Variants in PRKN observed in about 807,000 individuals in gnomAD.
The protein encoded by PRKN is parkin RBR E3 ubiquitin protein ligase.
PRKN carries 56 observed loss-of-function variants against 59.5 expected under a neutral mutation model. The observed-to-expected ratio is 0.94, with a 90% confidence interval of 0.76 to 1.18. PRKN has a LOEUF of 1.18. PRKN is among the 50% of genes most tolerant of loss of function. The pLI is 0.00. For missense variants in PRKN, 657 were observed against 596.4 expected, an observed-to-expected ratio of 1.10 and a Z score of -1.06; for synonymous variants, 250 against 222.1, an observed-to-expected ratio of 1.13 and a Z score of -1.12.
intron 9 of PRKN, among the ~76,000 whole-genome samples, chr6:161,464,617 A>T (rs1790366831): frequency 6.6e-6 from 1 of 152,238 alleles, no homozygotes; most frequent in South Asian, 2.1e-4. Flanking sequence ...TAAGGAAATC[A>T]TTGAACTTCT....
At chr6:161,961,148 C>G (rs1394304344) in intron 6 of PRKN, among the ~76,000 whole-genome samples, 1 of 152,122 alleles carries the variant, frequency 6.6e-6, no homozygotes, top group African/African-American at 2.4e-5. Context: ...TGTGTCTGGA[C>G]TGAGCGCACA....
At chr6:162,047,539 C>A (rs1463363751) in intron 5 of PRKN, among the ~76,000 whole-genome samples, 5 of 151,174 alleles carry the variant, frequency 3.3e-5, no homozygotes, top group African/African-American at 4.9e-5. Flanking sequence ...TGTTATTAGA[C>A]ACCAGAAAAA....
intron 7 of PRKN, among the ~76,000 whole-genome samples, chr6:161,719,045 G>A (rs989367359): frequency 6.6e-6 from 1 of 152,112 alleles, no homozygotes; most frequent in Non-Finnish European, 1.5e-5. Flanking sequence ...TTTGCTCGCT[G>A]TTTAATTACT....
intron 7 of PRKN, among the ~76,000 whole-genome samples, chr6:161,680,346 T>G (rs1785270337): frequency 2.0e-5 from 3 of 152,110 alleles, no homozygotes; most frequent in African/African-American, 7.2e-5. Flanking sequence ...AATAAATATC[T>G]CCATATGGAC....
intron 2 of PRKN, among the ~76,000 whole-genome samples, chr6:162,328,813 A>C (rs919060652): frequency 6.6e-6 from 1 of 152,158 alleles, no homozygotes; most frequent in Non-Finnish European, 1.5e-5. Flanking sequence ...CAAGCACAGA[A>C]GGCAGCCAAT....
chr6:162,412,017 G>C (rs1378507173), intron 2 of PRKN, among the ~76,000 whole-genome samples: 1 of 140,666 alleles, frequency 7.1e-6, no homozygotes, highest in Non-Finnish European at 1.5e-5. Flanking sequence ...TCACAGCTGA[G>C]AGGCATTTTT....
At chr6:162,281,873 G>A (rs1011438912) in intron 2 of PRKN, among the ~76,000 whole-genome samples, 26 of 152,180 alleles carry the variant, frequency 1.7e-4, no homozygotes, top group Non-Finnish European at 3.5e-4. Flanking sequence ...TTCCACAGAT[G>A]AGGGCAATGG....
intron 4 of PRKN, among the ~76,000 whole-genome samples, chr6:162,144,558 G>A (rs559418326): frequency 2.0e-5 from 3 of 152,288 alleles, no homozygotes; most frequent in South Asian, 4.1e-4. Flanking sequence ...TCCCTACAAT[G>A]TCTGCAGTAG....
At chr6:161,645,207 G>A (rs1211490310) in intron 7 of PRKN, among the ~76,000 whole-genome samples, 2 of 150,826 alleles carry the variant, frequency 1.3e-5, no homozygotes, top group African/African-American at 2.4e-5. Context: ...AAAATCTTAC[G>A]GAATAATCTC....
chr6:161,841,353 CTT>C (rs35323590), intron 6 of PRKN, among the ~76,000 whole-genome samples: 45 of 142,750 alleles, frequency 3.2e-4, no homozygotes, highest in Non-Finnish European at 3.1e-4. Flanking sequence ...TTTCTTTTTC[CTT>C]TTTTTTTTTT....
intron 2 of PRKN, among the ~76,000 whole-genome samples, chr6:162,324,877 T>C (rs930252784): frequency 2.0e-5 from 3 of 152,126 alleles, no homozygotes; most frequent in African/African-American, 7.2e-5. Context: ...AATGGCAATA[T>C]TGTGTCCTAA....
At chr6:162,123,136 AT>A (rs1478924308) in intron 4 of PRKN, among the ~76,000 whole-genome samples, 1 of 152,190 alleles carries the variant, frequency 6.6e-6, no homozygotes, top group African/African-American at 2.4e-5. Flanking sequence ...GAAAAACTGA[AT>A]TGCTACTACA....
intron 1 of PRKN, among the ~76,000 whole-genome samples, chr6:162,556,343 G>T (rs9456791): frequency 0.042 from 787 of 18,898 alleles, 35 homozygotes; most frequent in South Asian, 0.15. Flanking sequence ...TACTCAGCTG[G>T]TGTGTGTGTG....
rs1790545926 is a variant in PRKN, at chr6:161,467,610, G to C, written c.1084-80733C>G. On this transcript the variant is annotated intron_variant, in intron 9 of 11. Transcript: ENST00000366898. The surrounding 1 kb of genome is among the most constrained non-coding windows in gnomAD (Gnocchi z 4.3). ...TGCTGAGCCTAAAAGGAGGATACAGGGAAGGCTTCCTGGAGATGATGACGC... is the reference window on the plus strand; with the variant it reads ...TGCTGAGCCTAAAAGGAGGATACAGCGAAGGCTTCCTGGAGATGATGACGC... 6.6e-6 allele frequency among the ~76,000 whole-genome samples: 1 copy of C among 152,148 alleles called. No individual in the cohort carries two copies. The highest frequency in any genetic ancestry group is 6.5e-5 in the Admixed American group (1 of 15,286).
At chr6:162,326,390 A>G (rs1428871992) in intron 2 of PRKN, among the ~76,000 whole-genome samples, 1 of 152,048 alleles carries the variant, frequency 6.6e-6, no homozygotes, top group East Asian at 1.9e-4. Flanking sequence ...CACTTTTATC[A>G]TTTGCCTTAG....
chr6:162,015,405 G>T (rs7746243), intron 5 of PRKN, among the ~76,000 whole-genome samples: 1 of 152,060 alleles, frequency 6.6e-6, no homozygotes, highest in African/African-American at 2.4e-5. Context: ...TAACTGCAAA[G>T]GGAAAAGTAG....
intron 2 of PRKN, among the ~76,000 whole-genome samples, chr6:162,398,791 A>T (rs1216200269): frequency 6.6e-6 from 1 of 152,218 alleles, no homozygotes; most frequent in Non-Finnish European, 1.5e-5. Flanking sequence ...ATATTACATG[A>T]TGTGGCAAAT....
At chr6:161,652,391 G>T (rs925284909) in intron 7 of PRKN, among the ~76,000 whole-genome samples, 1 of 152,128 alleles carries the variant, frequency 6.6e-6, no homozygotes, top group African/African-American at 2.4e-5. Flanking sequence ...GTGGGGAAAC[G>T]GATATGATAT....
At chr6:161,500,680 C>T (rs1777926526) in intron 9 of PRKN, among the ~76,000 whole-genome samples, 1 of 152,002 alleles carries the variant, frequency 6.6e-6, no homozygotes, top group Non-Finnish European at 1.5e-5. Flanking sequence ...CTGGAAGTAC[C>T]AGTTTATTTA....
Sources: allele counts gnomAD v4.1 joint callset (sites outside exome capture counted in the v4.1 genomes callset), GRCh38; gene constraint gnomAD v4.1.1; non-coding constraint Gnocchi (gnomAD v3.1); transcripts MANE v1.5; gene names NCBI Gene and HGNC (gene_info 2026-07-23, HGNC 2026-07-21).